Variants in KLHDC4 observed in about 807,000 individuals in gnomAD.
KLHDC4 encodes the protein kelch domain-containing protein 4.
Under a neutral mutation model 62.4 loss-of-function variants are expected in KLHDC4, and 90 were observed. The ratio of observed to expected loss-of-function variants is 1.44; its 90% CI spans 1.22 to 1.72. The LOEUF (loss-of-function observed/expected upper bound fraction) is 1.72, where lower values mean the gene tolerates loss of function less well. Among genes scored for constraint, KLHDC4 ranks in the 40% most tolerant of loss-of-function variants. KLHDC4 has a pLI of 0.00. For synonymous variants in KLHDC4, 386 were observed against 284.4 expected (o/e 1.36, Z -3.59); for missense variants, 1,025 against 699.7 (o/e 1.47, Z -5.25).
rs375272979 is a variant in KLHDC4, at chr16:87,756,362, G to T, written c.270+37C>A. 7 of 1,441,900 alleles carry T rather than the reference G, an allele frequency of 4.9e-6. No individual in the cohort carries two copies. In the Admixed American group the frequency reaches 1.2e-4, roughly 24 times the overall value. 89.3% of individuals were successfully genotyped at this position (1,441,900 alleles called of 1,614,324 possible). ...TAACTTTCTGTCAAATGATACTCAC[G>T]CAACATGGGAAGAAAAGAAAAAAAT... On this transcript the variant is annotated intron_variant, in intron 3 of 11. Transcript: ENST00000270583.
chr16:87,721,414 TAAAAAAAA>T (rs1176744434), intron 7 of KLHDC4, among the ~76,000 whole-genome samples: 74 of 78,912 alleles, frequency 9.4e-4, no homozygotes, highest in African/African-American at 3.6e-3. Context: ...ACTCTGTCTC[TAAAAAAAA>T]AAAAAAAAAA....
intron 5 of KLHDC4, among the ~76,000 whole-genome samples, chr16:87,747,034 G>C (rs562149448): frequency 1.3e-3 from 201 of 152,300 alleles, no homozygotes; most frequent in African/African-American, 4.5e-3. Context: ...GAGGGGCCAG[G>C]GCCACTCCCA....
At chr16:87,759,912 C>T (rs556329588) in intron 2 of KLHDC4, among the ~76,000 whole-genome samples, 4 of 152,280 alleles carry the variant, frequency 2.6e-5, no homozygotes, top group African/African-American at 7.2e-5. Flanking sequence ...CAGGTGTTGC[C>T]GCCGCACAGG....
chr16:87,743,904 T>C (rs1462811558), intron 5 of KLHDC4, among the ~76,000 whole-genome samples: 1 of 151,990 alleles, frequency 6.6e-6, no homozygotes, highest in African/African-American at 2.4e-5. Context: ...TGGGGAGGAA[T>C]GAGGGGTATG....
At chr16:87,758,517 T>C (rs1396376471) in intron 2 of KLHDC4, among the ~76,000 whole-genome samples, 2 of 152,186 alleles carry the variant, frequency 1.3e-5, no homozygotes, top group Non-Finnish European at 2.9e-5. Context: ...TGACAGAAAG[T>C]TGACCAGAAG....
chr16:87,716,155 C>A (rs1362989922), intron 7 of KLHDC4, among the ~76,000 whole-genome samples: 2 of 150,044 alleles, frequency 1.3e-5, no homozygotes, highest in East Asian at 1.9e-4. Flanking sequence ...ACTTTGGGTA[C>A]GCGCTATGTC....
Position 87,746,368 on chromosome 16 carries a change from AGAGC to A in KLHDC4, c.506+2301_506+2304del, listed in dbSNP as rs1252923737. ...AGACCACAAAGAGAGAAAGAGAGAG[AGAGC>A]GAGAAAGAGAGAAAGAGACAGAGAG... On this transcript the variant is annotated intron_variant, in intron 5 of 11. Coordinates refer to ENST00000270583, the MANE Select transcript of KLHDC4 (RefSeq NM_017566.4). 8.5e-5 allele frequency among the ~76,000 whole-genome samples: 13 copies of A among 152,132 alleles called. No homozygotes were observed. The East Asian group carries it at 2.5e-3, about 29-fold the overall frequency.
chr16:87,731,106 C>T, intron 5 of KLHDC4: 1 of 125,326 alleles, frequency 8.0e-6, no homozygotes, highest in Admixed American at 1.1e-4. Flanking sequence ...CTCTGTCTCC[C>T]ATGCTGGAGT....
intron 5 of KLHDC4, among the ~76,000 whole-genome samples, chr16:87,746,264 T>C (rs144788523): frequency 6.6e-6 from 1 of 151,578 alleles, no homozygotes; most frequent in African/African-American, 2.4e-5. Context: ...AGTAAGACTT[T>C]GTCTCTTGAA....
intron 7 of KLHDC4, among the ~76,000 whole-genome samples, chr16:87,725,023 A>G (rs2039091250): frequency 6.6e-6 from 1 of 152,260 alleles, no homozygotes; most frequent in Non-Finnish European, 1.5e-5. Flanking sequence ...AGCACGAAGC[A>G]GCAATGAACA....
At chr16:87,764,791 C>A (rs1400978284) in intron 1 of KLHDC4, among the ~76,000 whole-genome samples, 2 of 148,122 alleles carry the variant, frequency 1.4e-5, no homozygotes, top group East Asian at 2.0e-4. Context: ...GCAGGTCATG[C>A]CACTGCAGCC....
chr16:87,715,451 C>T (rs932916165), intron 7 of KLHDC4, among the ~76,000 whole-genome samples: 2 of 152,132 alleles, frequency 1.3e-5, no homozygotes, highest in African/African-American at 2.4e-5. Context: ...CATTCACTGC[C>T]CCAGTGCTCC....
At chr16:87,716,731 C>T (rs959134672) in intron 7 of KLHDC4, among the ~76,000 whole-genome samples, 1 of 151,998 alleles carries the variant, frequency 6.6e-6, no homozygotes, top group African/African-American at 2.4e-5. Flanking sequence ...GAGATCAAGA[C>T]TAATCCTGGC....
intron 7 of KLHDC4, among the ~76,000 whole-genome samples, chr16:87,719,670 T>C (rs1208393002): frequency 1.5e-5 from 2 of 132,148 alleles, no homozygotes; most frequent in Non-Finnish European, 3.3e-5. Flanking sequence ...CAATAAATAC[T>C]AAAAAAAAAA....
At chr16:87,745,181 G>A (rs946511436) in intron 5 of KLHDC4, among the ~76,000 whole-genome samples, 1 of 152,178 alleles carries the variant, frequency 6.6e-6, no homozygotes, top group African/African-American at 2.4e-5. Flanking sequence ...GTGGGGGCAT[G>A]TTCTCTCCAC....
intron 8 of KLHDC4, 113 bp downstream of exon 8, chr16:87,714,385 C>T (rs929826657): frequency 1.4e-5 from 20 of 1,426,528 alleles, no homozygotes; most frequent in Admixed American, 2.5e-5. Flanking sequence ...CCCTCCGCTC[C>T]GGGCAGGGTG....
intron 2 of KLHDC4, among the ~76,000 whole-genome samples, chr16:87,760,558 G>T (rs1597413310): frequency 2.8e-5 from 4 of 140,592 alleles, no homozygotes; most frequent in Admixed American, 2.2e-4. Flanking sequence ...AGTGAACCAA[G>T]ATGGCGCCAC....
chr16:87,728,056 G>T (rs4843684), intron 6 of KLHDC4, among the ~76,000 whole-genome samples: 8,713 of 152,062 alleles, frequency 0.057, 320 homozygotes, highest in East Asian at 0.16. Context: ...GCATGGGGGC[G>T]GGTGCCTATA....
At chr16:87,765,716 C>T (rs961916212) in intron 1 of KLHDC4, 76 bp downstream of exon 1, 5 of 1,414,412 alleles carry the variant, frequency 3.5e-6, no homozygotes, top group Non-Finnish European at 3.8e-6. Flanking sequence ...GACCCGTAAC[C>T]CCGGGGGGCG....
Sources: gnomAD v4.1 joint callset for allele counts (sites outside exome capture counted in the v4.1 genomes callset) on GRCh38, gnomAD v4.1.1 for gene constraint, MANE v1.5 for transcripts, NCBI Gene and HGNC (gene_info 2026-07-23, HGNC 2026-07-21) for gene names.